Variants in GREB1L observed in about 807,000 individuals in gnomAD.
GREB1L encodes GREB1-like protein.
A neutral mutation model predicts 200.8 loss-of-function variants in GREB1L; 17 were observed. The ratio of observed to expected loss-of-function variants is 0.08; its 90% CI spans 0.06 to 0.13. The LOEUF (loss-of-function observed/expected upper bound fraction) is 0.13. Among genes scored for constraint, GREB1L ranks in the 10% least tolerant of loss-of-function variants. The pLI is 1.00. For missense variants in GREB1L, 1,657 were observed against 2,367.7 expected (o/e 0.70, Z 6.23); for synonymous variants, 789 against 893.0 (o/e 0.88, Z 2.08).
intron 4 of GREB1L, among the ~76,000 whole-genome samples, chr18:21,390,639 T>G (rs2040760741): frequency 6.6e-6 from 1 of 152,074 alleles, no homozygotes; most frequent in Non-Finnish European, 1.5e-5. Flanking sequence ...TGGGTTAAAG[T>G]GATTCTCCTG....
intron 1 of GREB1L, among the ~76,000 whole-genome samples, chr18:21,281,032 G>A (rs1411219712): frequency 6.6e-6 from 1 of 152,126 alleles, no homozygotes; most frequent in Non-Finnish European, 1.5e-5. Context: ...TAATCCCCTT[G>A]TTTGCAGAAT....
intron 1 of GREB1L, among the ~76,000 whole-genome samples, chr18:21,274,091 G>A (rs187468439): frequency 5.3e-4 from 81 of 152,252 alleles, no homozygotes; most frequent in African/African-American, 1.9e-3. Flanking sequence ...AATTCTAGAC[G>A]CTTGGAAGTC....
At chr18:21,375,187 C>T (rs1431762423) in intron 2 of GREB1L, among the ~76,000 whole-genome samples, 1 of 151,916 alleles carries the variant, frequency 6.6e-6, no homozygotes, top group African/African-American at 2.4e-5. Context: ...GCCTCAGCCT[C>T]CCGAGTAGCT....
chr18:21,512,278 G>T (rs2037269170), intron 27 of GREB1L, among the ~76,000 whole-genome samples: 1 of 152,192 alleles, frequency 6.6e-6, no homozygotes, highest in Non-Finnish European at 1.5e-5. Flanking sequence ...ACTTTGGGTA[G>T]CACTGATATC....
intron 19 of GREB1L, among the ~76,000 whole-genome samples, chr18:21,492,295 G>A (rs773852320): frequency 6.6e-6 from 1 of 151,494 alleles, no homozygotes; most frequent in East Asian, 1.9e-4. Flanking sequence ...GTAGTGAGCC[G>A]AGATTGTGCC....
At chr18:21,286,176 C>G (rs1052277835) in intron 1 of GREB1L, among the ~76,000 whole-genome samples, 2 of 152,170 alleles carry the variant, frequency 1.3e-5, no homozygotes, top group African/African-American at 2.4e-5. Flanking sequence ...TGTCCGAGGA[C>G]CACACTTTCA....
intron 11 of GREB1L, 66 bp downstream of exon 11, chr18:21,444,475 C>G: frequency 7.8e-7 from 1 of 1,276,202 alleles, no homozygotes; most frequent in East Asian, 2.5e-5. Context: ...TGTACTTTTT[C>G]TTTCTTTCTC....
At chr18:21,328,292 A>G (rs2039055451) in intron 1 of GREB1L, among the ~76,000 whole-genome samples, 2 of 152,046 alleles carry the variant, frequency 1.3e-5, no homozygotes, top group African/African-American at 2.4e-5. Context: ...AGTCTTGTTC[A>G]TGTGTGTATC....
In GREB1L at chr18:21,263,410, A is replaced by G. The variant is rs547889913; in HGVS notation, c.-120+21017A>G. On this transcript the variant is annotated intron_variant, in intron 1 of 32. Transcript: ENST00000424526. The stretch of plus-strand genomic sequence containing the variant: ...CAGAAAAATTGAATAAAATAATTGG[A>G]CATGTAGTTTTCTAGTTGTGTATTA... Among the ~76,000 whole-genome samples, 3 of 152,262 alleles carry G rather than the reference A, an allele frequency of 2.0e-5. No individual in the cohort carries two copies. The East Asian group carries it at 5.8e-4, about 29-fold the overall frequency.
chr18:21,471,537 AGC>A (rs1174831489), intron 15 of GREB1L, among the ~76,000 whole-genome samples: 2 of 152,088 alleles, frequency 1.3e-5, no homozygotes, highest in African/African-American at 4.8e-5. Context: ...CCCCAGACCT[AGC>A]ACAGTAAGTG....
At chr18:21,282,290 G>C (rs758867634) in intron 1 of GREB1L, among the ~76,000 whole-genome samples, 3 of 151,820 alleles carry the variant, frequency 2.0e-5, no homozygotes, top group Non-Finnish European at 4.4e-5. Flanking sequence ...AAAAATTATG[G>C]TGAATACCTT....
chr18:21,362,412 A>G (rs574216024), intron 1 of GREB1L, among the ~76,000 whole-genome samples: 3 of 152,308 alleles, frequency 2.0e-5, no homozygotes, highest in East Asian at 1.9e-4. Flanking sequence ...TAACTTAAAG[A>G]CTTTGTGTGC....
At chr18:21,513,695 G>C (rs956360991) in intron 27 of GREB1L, 126 bp from the exon 28 acceptor site, 1 of 808,372 alleles carries the variant, frequency 1.2e-6, no homozygotes. Flanking sequence ...CATTTGGTTG[G>C]CTCCCACCTG....
At chr18:21,427,986 C>G (rs1320320795) in intron 7 of GREB1L, among the ~76,000 whole-genome samples, 2 of 150,778 alleles carry the variant, frequency 1.3e-5, no homozygotes, top group Admixed American at 6.6e-5. Context: ...GTCAGGAGAT[C>G]GAGACCATCC....
At chr18:21,347,762 CT>C (rs761498957) in intron 1 of GREB1L, among the ~76,000 whole-genome samples, 1,671 of 114,244 alleles carry the variant, frequency 0.015, 25 homozygotes, top group African/African-American at 0.045. Context: ...GCCCCCCGAC[CT>C]TTTTTTTTTT....
chr18:21,277,160 C>T lies in GREB1L; in HGVS notation c.-120+34767C>T, dbSNP rs571157381. Among the ~76,000 whole-genome samples the T allele has an allele frequency of 8.5e-5, 13 of 152,180 alleles. 2 individuals carry two copies. The South Asian group carries it at 2.7e-3, about 32-fold the overall frequency. On this transcript the variant is annotated intron_variant, in intron 1 of 32. Transcript: ENST00000424526. ...AGCCAGGATGGTCTCAATCTCCTGA[C>T]CTTGTGATCCGCCTGCCTCGGCCTC...
intron 1 of GREB1L, among the ~76,000 whole-genome samples, chr18:21,362,955 A>T (rs1393451328): frequency 6.6e-6 from 1 of 152,186 alleles, no homozygotes; most frequent in African/African-American, 2.4e-5. Context: ...CCCTTCCCAG[A>T]ATCCTCTTGT....
chr18:21,482,642 A>ATTT (rs35313539), intron 17 of GREB1L, among the ~76,000 whole-genome samples: 15,195 of 117,972 alleles, frequency 0.13, 1,281 homozygotes, highest in Middle Eastern at 0.18. Flanking sequence ...TAGATTACAG[A>ATTT]TTTTTTTTTT....
intron 7 of GREB1L, among the ~76,000 whole-genome samples, chr18:21,415,752 T>C (rs1365277659): frequency 1.3e-5 from 2 of 152,224 alleles, no homozygotes; most frequent in East Asian, 3.8e-4. Context: ...AGGAAGGTCT[T>C]GTCTCAGTAA....
Sources: gnomAD v4.1 joint callset for allele counts (sites outside exome capture counted in the v4.1 genomes callset) on GRCh38, gnomAD v4.1.1 for gene constraint, MANE v1.5 for transcripts, NCBI Gene and HGNC (gene_info 2026-07-23, HGNC 2026-07-21) for gene names.